The following ARHGEF26 variants were observed in gnomAD, a reference collection of about 807,000 sequenced individuals.
ARHGEF26 encodes the protein Rho guanine nucleotide exchange factor (GEF) 26.
In ARHGEF26, 59 loss-of-function variants were observed where a neutral mutation model predicts 89.4. That is an observed-to-expected ratio of 0.66 (90% CI 0.54 to 0.82). The LOEUF (loss-of-function observed/expected upper bound fraction) is 0.82, where lower values mean the gene tolerates loss of function less well. ARHGEF26 is among the 40% of genes least tolerant of loss of function. The pLI, the probability that ARHGEF26 is intolerant of heterozygous loss-of-function variation, is 0.00. For missense variants in ARHGEF26, 1,234 were observed against 1,085.6 expected (o/e 1.14, Z -1.92); for synonymous variants, 500 against 428.4 (o/e 1.17, Z -2.06).
In ARHGEF26 at chr3:154,237,842, T is replaced by C. The variant is rs116640641; in HGVS notation, c.2091-2528T>C. 2.3e-3 allele frequency among the ~76,000 whole-genome samples: 349 copies of C among 152,338 alleles called. 2 individuals carry two copies. The highest frequency in any genetic ancestry group is 8.2e-3 in the African/African-American group (342 of 41,578). ...TTCCATTTCTCTTTCTGAAGCAGAATTGTTTTTAAACAGAAACAGGTGCCT... is the reference window on the plus strand; with the variant it reads ...TTCCATTTCTCTTTCTGAAGCAGAACTGTTTTTAAACAGAAACAGGTGCCT... On this transcript the variant is annotated intron_variant, in intron 11 of 14. Transcript: ENST00000465093.
At chr3:154,223,458 C>T (rs1400530810) in intron 10 of ARHGEF26, among the ~76,000 whole-genome samples, 2 of 152,194 alleles carry the variant, frequency 1.3e-5, no homozygotes, top group African/African-American at 2.4e-5. Context: ...CCCAAATCAA[C>T]GGATGAATTG....
intron 6 of ARHGEF26, among the ~76,000 whole-genome samples, chr3:154,165,807 G>A (rs1711984052): frequency 6.6e-6 from 1 of 152,064 alleles, no homozygotes; most frequent in Non-Finnish European, 1.5e-5. Flanking sequence ...CTGTGAGTCT[G>A]TTATCACCAG....
chr3:154,144,278 T>C (rs1719568289), intron 4 of ARHGEF26, among the ~76,000 whole-genome samples: 1 of 152,158 alleles, frequency 6.6e-6, no homozygotes, highest in African/African-American at 2.4e-5. Flanking sequence ...AGCTTTCCAA[T>C]TATTAGGGTG....
intron 9 of ARHGEF26, among the ~76,000 whole-genome samples, chr3:154,204,882 C>G (rs570724206): frequency 6.6e-6 from 1 of 152,200 alleles, no homozygotes; most frequent in South Asian, 2.1e-4. Flanking sequence ...AAAGAATATG[C>G]TTGATATTAC....
At chr3:154,188,735 A>G (rs1375195169) in intron 7 of ARHGEF26, among the ~76,000 whole-genome samples, 1 of 152,168 alleles carries the variant, frequency 6.6e-6, no homozygotes, top group Non-Finnish European at 1.5e-5. Context: ...GAGGATGACT[A>G]ACTTATGGCT....
rs576398389 is a variant in ARHGEF26 at position 154,219,202 on chromosome 3, T to C, written c.1935+1244T>C. The stretch of plus-strand genomic sequence containing the variant: ...AAAGTATATCTGACAAGTTTGTTTT[T>C]TGTTTTTTAATTTCCTCCTTTTGAA... On this transcript the variant is annotated intron_variant, in intron 10 of 14. Transcript: ENST00000465093. 1.7e-3 allele frequency among the ~76,000 whole-genome samples: 258 copies of C among 152,362 alleles called. 1 individual carries two copies. The highest frequency in any genetic ancestry group is 2.7e-3 in the Non-Finnish European group (186 of 68,034).
intron 9 of ARHGEF26, among the ~76,000 whole-genome samples, chr3:154,216,609 G>A (rs1274144303): frequency 1.5e-5 from 2 of 131,122 alleles, no homozygotes; most frequent in African/African-American, 2.9e-5. Context: ...ATGTATACAT[G>A]TGCCATGCTG....
chr3:154,226,085 A>T, intron 11 of ARHGEF26, 75 bp downstream of exon 11: 1 of 1,268,640 alleles, frequency 7.9e-7, no homozygotes, highest in Non-Finnish European at 1.1e-6. Flanking sequence ...TGTTAGGGTG[A>T]TCATCCTTTA....
chr3:154,136,342 G>C (rs940295950), intron 4 of ARHGEF26, among the ~76,000 whole-genome samples: 3 of 66,716 alleles, frequency 4.5e-5, no homozygotes, highest in Admixed American at 1.5e-4. Flanking sequence ...GTATTTTTCA[G>C]CTCTGTGCTA....
At chr3:154,203,164 A>C (rs1316298188) in intron 9 of ARHGEF26, among the ~76,000 whole-genome samples, 1 of 152,246 alleles carries the variant, frequency 6.6e-6, no homozygotes, top group South Asian at 2.1e-4. Flanking sequence ...TTATTTAGAG[A>C]TACGTCCCAT....
intron 11 of ARHGEF26, among the ~76,000 whole-genome samples, chr3:154,238,749 A>G (rs1019990577): frequency 6.6e-6 from 1 of 152,172 alleles, no homozygotes; most frequent in Middle Eastern, 3.2e-3. Flanking sequence ...GTTCACTCGC[A>G]AGGGTGCAGG....
intron 3 of ARHGEF26, among the ~76,000 whole-genome samples, chr3:154,127,231 A>T (rs1051395787): frequency 3.3e-5 from 5 of 152,192 alleles, no homozygotes; most frequent in Admixed American, 3.3e-4. Context: ...AGCTTACTGT[A>T]ACTTATTTTG....
chr3:154,186,590 G>A (rs1239553733), intron 6 of ARHGEF26, among the ~76,000 whole-genome samples: 7 of 151,794 alleles, frequency 4.6e-5, no homozygotes, highest in South Asian at 2.1e-4. Context: ...GTGAAACCCC[G>A]TCTCTACTAA....
At chr3:154,177,624 C>G (rs1343502068) in intron 6 of ARHGEF26, among the ~76,000 whole-genome samples, 1 of 152,140 alleles carries the variant, frequency 6.6e-6, no homozygotes, top group Non-Finnish European at 1.5e-5. Context: ...GGATTGTGTT[C>G]CATCAGGCCT....
chr3:154,152,721 A>G, intron 5 of ARHGEF26, 51 bp from the exon 6 acceptor site: 1 of 1,325,142 alleles, frequency 7.5e-7, no homozygotes, highest in South Asian at 2.0e-5. Context: ...AGCTATATTT[A>G]GTTCTTTAAT....
chr3:154,194,959 A>G (rs777705420), intron 9 of ARHGEF26, among the ~76,000 whole-genome samples: 2 of 152,216 alleles, frequency 1.3e-5, no homozygotes, highest in Non-Finnish European at 2.9e-5. Context: ...TGGTGGCTGA[A>G]TAGCTGTTTA....
intron 9 of ARHGEF26, among the ~76,000 whole-genome samples, chr3:154,210,509 T>C (rs1416073191): frequency 6.6e-6 from 1 of 151,256 alleles, no homozygotes; most frequent in Non-Finnish European, 1.5e-5. Context: ...GAGACGGGGT[T>C]TCACCATGCT....
chr3:154,195,211 T>C (rs538301640), intron 9 of ARHGEF26, among the ~76,000 whole-genome samples: 3 of 152,086 alleles, frequency 2.0e-5, no homozygotes, highest in South Asian at 4.1e-4. Flanking sequence ...GAGCCCAGGA[T>C]TGGGGGAAGA....
At chr3:154,153,779 G>GTA (rs1240247787) in intron 6 of ARHGEF26, among the ~76,000 whole-genome samples, 8 of 151,668 alleles carry the variant, frequency 5.3e-5, no homozygotes, top group South Asian at 2.1e-4. Flanking sequence ...GAAAATACAT[G>GTA]TATATATATA....
Sources: allele counts gnomAD v4.1 joint callset (sites outside exome capture counted in the v4.1 genomes callset), GRCh38; gene constraint gnomAD v4.1.1; transcripts MANE v1.5; gene names NCBI Gene and HGNC (gene_info 2026-07-23, HGNC 2026-07-21).